ENOX1: variants seen among roughly 807,000 people sequenced by gnomAD.
ENOX1 encodes the protein ecto-NOX disulfide-thiol exchanger 1, also known as candidate growth-related and time keeping constitutive hydroquinone (NADH) oxidase.
In ENOX1, 42 loss-of-function variants were observed where a neutral mutation model predicts 82.5. That is an observed-to-expected ratio of 0.51 (90% CI 0.40 to 0.66). The LOEUF is 0.66. ENOX1 is among the 30% of genes least tolerant of loss of function. The pLI, the probability that ENOX1 is intolerant of heterozygous loss-of-function variation, is 0.00. For missense variants in ENOX1, 608 were observed against 811.6 expected (o/e 0.75, Z 3.05); for synonymous variants, 271 against 282.2 (o/e 0.96, Z 0.40).
At chr13:43,429,122 G>A (rs1054497460) in intron 3 of ENOX1, among the ~76,000 whole-genome samples, 1 of 152,148 alleles carries the variant, frequency 6.6e-6, no homozygotes, top group African/African-American at 2.4e-5. Flanking sequence ...GAGAGCTCCT[G>A]TCACAAGTAC....
chr13:43,636,059 C>T (rs1251951736), intron 2 of ENOX1, among the ~76,000 whole-genome samples: 3 of 152,030 alleles, frequency 2.0e-5, no homozygotes, highest in Non-Finnish European at 4.4e-5. Flanking sequence ...AGAGTGGGGA[C>T]CAAATAACTA....
intron 1 of ENOX1, among the ~76,000 whole-genome samples, chr13:43,705,158 C>T (rs1355302752): frequency 6.6e-6 from 1 of 151,444 alleles, no homozygotes; most frequent in East Asian, 1.9e-4. Flanking sequence ...CAAATGGAAA[C>T]CAAATAGCAA....
At chr13:43,698,596 C>T (rs941756143) in intron 1 of ENOX1, among the ~76,000 whole-genome samples, 4 of 151,882 alleles carry the variant, frequency 2.6e-5, no homozygotes, top group African/African-American at 9.7e-5. Flanking sequence ...TAAAAATTCA[C>T]AAAAATGAAG....
chr13:43,529,173 T>A (rs1299981706), intron 2 of ENOX1, among the ~76,000 whole-genome samples: 3 of 152,000 alleles, frequency 2.0e-5, no homozygotes, highest in African/African-American at 7.2e-5. Flanking sequence ...TGCATGCTGT[T>A]CTGAGTAGCA....
At chr13:43,719,063 CT>C (rs1474786682) in intron 1 of ENOX1, among the ~76,000 whole-genome samples, 2 of 152,114 alleles carry the variant, frequency 1.3e-5, no homozygotes, top group Non-Finnish European at 1.5e-5. Flanking sequence ...GATTTATCCC[CT>C]GAAGGCTCAG....
intron 3 of ENOX1, among the ~76,000 whole-genome samples, chr13:43,483,758 T>C (rs1311424653): frequency 6.6e-6 from 1 of 152,168 alleles, no homozygotes; most frequent in African/African-American, 2.4e-5. Context: ...AAAAATAAAA[T>C]TTGTTTTAAG....
chr13:43,705,330 C>CTCTCTATATATA (rs141765196), intron 1 of ENOX1, among the ~76,000 whole-genome samples: 222 of 129,836 alleles, frequency 1.7e-3, no homozygotes, highest in African/African-American at 6.2e-3. Context: ...CTCTCTCTCT[C>CTCTCTATATATA]TATATATATA....
chr13:43,729,956 T>C (rs2089234884), intron 1 of ENOX1, among the ~76,000 whole-genome samples: 1 of 152,216 alleles, frequency 6.6e-6, no homozygotes, highest in Non-Finnish European at 1.5e-5. Flanking sequence ...TCTCCTCTGC[T>C]CCTACTCTGG....
At position 43,298,623 on chromosome 13, in the gene ENOX1, T is replaced by C. The variant is rs1593784405; in HGVS notation, c.1262-93A>G. On this transcript the variant is annotated intron_variant, in intron 11 of 16. Coordinates refer to ENST00000690772, the MANE Select transcript of ENOX1 (RefSeq NM_001347969.2). The stretch of plus-strand genomic sequence containing the variant: ...GAAAGGGAGTCTGTCACCCAAGTTC[T>C]TAATGTTTGTACCAGCTCAGAAATA... 1.3e-5 allele frequency: 16 copies of C among 1,220,728 alleles called. No homozygotes were observed. The East Asian group carries it at 3.6e-4, about 28-fold the overall frequency. The allele number at this position is 1,220,728 out of a possible 1,614,324, so 75.6% of individuals were successfully genotyped here.
intron 8 of ENOX1, among the ~76,000 whole-genome samples, chr13:43,347,503 T>C (rs2049467613): frequency 6.6e-6 from 1 of 152,208 alleles, no homozygotes; most frequent in African/African-American, 2.4e-5. Flanking sequence ...CTCCAGTCAA[T>C]ATTTGTTGCC....
intron 7 of ENOX1, among the ~76,000 whole-genome samples, chr13:43,356,876 T>C (rs912685358): frequency 5.9e-5 from 9 of 151,960 alleles, no homozygotes; most frequent in Middle Eastern, 3.2e-3. Flanking sequence ...CCACACAAAT[T>C]GTTCATGTAA....
chr13:43,275,598 A>G (rs2044971490), intron 12 of ENOX1, among the ~76,000 whole-genome samples: 1 of 151,966 alleles, frequency 6.6e-6, no homozygotes, highest in African/African-American at 2.4e-5. Flanking sequence ...ACACACACAC[A>G]CATACACACA....
chr13:43,538,902 C>A (rs1223686321), intron 2 of ENOX1, among the ~76,000 whole-genome samples: 2 of 152,138 alleles, frequency 1.3e-5, no homozygotes, highest in Non-Finnish European at 2.9e-5. Flanking sequence ...CAGCTCACTG[C>A]AGCCTCAAAC....
intron 12 of ENOX1, among the ~76,000 whole-genome samples, chr13:43,271,231 C>T (rs1000660838): frequency 2.6e-5 from 4 of 152,106 alleles, no homozygotes; most frequent in African/African-American, 9.7e-5. Context: ...TAACTGATGT[C>T]CAGAAGAAGG....
intron 16 of ENOX1, among the ~76,000 whole-genome samples, chr13:43,221,914 C>G (rs1158259856): frequency 1.3e-5 from 2 of 152,138 alleles, no homozygotes; most frequent in African/African-American, 4.8e-5. Flanking sequence ...TAAATATCCT[C>G]TCAGCCTCAC....
At chr13:43,328,243 G>A (rs1009029240) in intron 9 of ENOX1, among the ~76,000 whole-genome samples, 20 of 152,138 alleles carry the variant, frequency 1.3e-4, no homozygotes, top group African/African-American at 4.6e-4. Context: ...GTGGATCACC[G>A]GGGCTTTCTG....
chr13:43,696,810 T>TA (rs398117275), intron 1 of ENOX1, among the ~76,000 whole-genome samples: 1 of 150,546 alleles, frequency 6.6e-6, no homozygotes, highest in African/African-American at 2.4e-5. Flanking sequence ...TTTTTTTTTT[T>TA]AAGAATATAT....
At chr13:43,702,985 T>TAAAAAAAAAA (rs2087007367) in intron 1 of ENOX1, among the ~76,000 whole-genome samples, 2 of 83,370 alleles carry the variant, frequency 2.4e-5, no homozygotes, top group Non-Finnish European at 6.0e-5. Flanking sequence ...AAAAAAAAAG[T>TAAAAAAAAAA]TTGAGGAAGC....
intron 2 of ENOX1, among the ~76,000 whole-genome samples, chr13:43,598,135 A>T (rs534664127): frequency 6.6e-6 from 1 of 151,916 alleles, no homozygotes; most frequent in South Asian, 2.1e-4. Context: ...CCCAGCTCCC[A>T]TCCATTGATA....
Sources: gnomAD v4.1 joint callset for allele counts (sites outside exome capture counted in the v4.1 genomes callset) on GRCh38, gnomAD v4.1.1 for gene constraint, MANE v1.5 for transcripts, NCBI Gene and HGNC (gene_info 2026-07-23, HGNC 2026-07-21) for gene names.